AKAP9: variants seen among roughly 807,000 people sequenced by gnomAD.
AKAP9 encodes the protein A-kinase anchoring protein 9, also known as A-kinase anchor protein 9.
In AKAP9, 311 loss-of-function variants were observed where a neutral mutation model predicts 488.5. The ratio of observed to expected loss-of-function variants is 0.64; its 90% CI spans 0.58 to 0.70. AKAP9 has a LOEUF of 0.70. AKAP9 is among the 30% of genes least tolerant of loss of function. The pLI, the probability that AKAP9 is intolerant of heterozygous loss-of-function variation, is 0.00. For synonymous variants in AKAP9, 1,462 were observed against 1,483.5 expected, an observed-to-expected ratio of 0.99 and a Z score of 0.33; for missense variants, 4,215 against 4,374.5, an observed-to-expected ratio of 0.96 and a Z score of 1.03.
Position 92,001,767 on chromosome 7 carries a change from C to A in AKAP9, c.1850C>A (p.Ser617Ter), listed in dbSNP as rs1284519583. ...KNAVLDRMAESQEAELERLRT... is the reference protein window; with the variant it reads ...KNAVLDRMAE ...GCTGTGTTAGACAGAATGGCTGAAT[C>A]ACAAGAAGCTGAATTAGAGAGGCTG... is the stretch of plus-strand genomic sequence containing the variant. The change falls in exon 8 of 50, where the codon TCA becomes TAA. Residue 617 changes from serine (S) to a stop codon, truncating the protein, a stop_gained. Coordinates refer to ENST00000356239, the MANE Select transcript of AKAP9 (RefSeq NM_005751.5). LOFTEE classifies it high-confidence loss of function. 1 of 1,613,250 alleles carries A rather than the reference C, an allele frequency of 6.2e-7. No homozygotes were observed. Among genetic ancestry groups the A allele is most frequent in the Non-Finnish European group, 8.5e-7 (1 of 1,179,762 alleles).
At chr7:91,987,420 GA>G (rs957106922) in intron 3 of AKAP9, among the ~76,000 whole-genome samples, 48 of 139,428 alleles carry the variant, frequency 3.4e-4, no homozygotes, top group Middle Eastern at 3.8e-3. Context: ...ATTCTATCTC[GA>G]AAAAAAAAAA....
chr7:92,066,397 GCTA>G, intron 25 of AKAP9, 27 bp from the exon 26 acceptor site: 1 of 1,611,046 alleles, frequency 6.2e-7, no homozygotes, highest in Non-Finnish European at 8.5e-7. Context: ...TGTTTCTTCA[GCTA>G]CTATCATTAT....
chr7:92,031,390 C>A, intron 15 of AKAP9, 122 bp from the exon 16 acceptor site: 1 of 656,706 alleles, frequency 1.5e-6, no homozygotes, highest in Non-Finnish European at 2.6e-6. Context: ...TTATTTTTTG[C>A]TGAAAGTATG....
intron 22 of AKAP9, among the ~76,000 whole-genome samples, chr7:92,056,556 A>T (rs1213237153): frequency 6.6e-6 from 1 of 151,056 alleles, no homozygotes; most frequent in East Asian, 2.0e-4. Flanking sequence ...TTGTTAAGAC[A>T]CCTTCACAGA....
At chr7:92,021,037 G>A (rs771482375) in intron 12 of AKAP9, among the ~76,000 whole-genome samples, 10 of 151,880 alleles carry the variant, frequency 6.6e-5, no homozygotes, top group Non-Finnish European at 7.4e-5. Context: ...TTCCCCCTCC[G>A]TATCCAAATT....
Position 91,964,670 on chromosome 7 carries a change from T to A in AKAP9, c.49-9041T>A, listed in dbSNP as rs372635540. On this transcript the variant is annotated intron_variant, in intron 1 of 49. Transcript: ENST00000356239. The stretch of plus-strand genomic sequence containing the variant: ...AGTTATTATGTTTGCCAGTTTTCTT[T>A]TAGTTCATCTGCTTGTGATAGCCAA... 2.6e-5 allele frequency among the ~76,000 whole-genome samples: 4 copies of A among 152,316 alleles called. 1 individual carries two copies.
At position 92,105,761 on chromosome 7, in the gene AKAP9, A is replaced by C; in HGVS notation, c.11414A>C (p.Gln3805Pro). 1 of 1,612,780 alleles carries C rather than the reference A, an allele frequency of 6.2e-7. No individual in the cohort carries two copies. Among genetic ancestry groups the C allele is most frequent in the Non-Finnish European group, 8.5e-7 (1 of 1,178,732 alleles). Residue 3805 changes from glutamine (Q) to proline (P), a missense_variant and splice_region_variant, in exon 47 of 50, where the codon CAA (glutamine) becomes CCA (proline). Transcript: ENST00000356239. ...AACAGAGATGGCTTTGGACTGAATC[A>C]AGGTGAAGTCAAAATAGCATATTTT... is the stretch of plus-strand genomic sequence containing the variant. ...NINRDGFGLN[Q>P]GAEKTDSFYH...
chr7:91,975,921 G>GTTTTTTTTTTTTTTTTTTT (rs1186917564), intron 2 of AKAP9, among the ~76,000 whole-genome samples: 1 of 111,696 alleles, frequency 9.0e-6, no homozygotes, highest in African/African-American at 3.5e-5. Context: ...TTGTTTGTTT[G>GTTTTTTTTTTTTTTTTTTT]TTTGTTTTTT....
At chr7:91,972,540 T>C (rs1293726727) in intron 1 of AKAP9, among the ~76,000 whole-genome samples, 1 of 151,994 alleles carries the variant, frequency 6.6e-6, no homozygotes, top group Non-Finnish European at 1.5e-5. Flanking sequence ...CTGCTCAGAG[T>C]TTTTTCACTT....
chr7:92,014,405 G>A, intron 10 of AKAP9, 77 bp downstream of exon 10: 1 of 1,074,446 alleles, frequency 9.3e-7, no homozygotes, highest in Non-Finnish European at 1.4e-6. Context: ...GGAGGCTGAG[G>A]TGGTCAGATC....
Position 92,045,195 on chromosome 7 carries a change from C to G in AKAP9, c.5350C>G (p.His1784Asp). Residue 1784 changes from histidine to aspartate, a missense_variant, in exon 21 of 50, where the codon CAT becomes GAT. His to Asp is a moderately conservative substitution (Grantham distance 81). Coordinates refer to ENST00000356239, the MANE Select transcript of AKAP9 (RefSeq NM_005751.5). ...EAEASVKSCV[H>D]EEHTRVTDES... ...AGAGGCATCTGTAAAGTCATGTGTCCATGAGGAACATACAAGAGGTACTAG... is the reference window on the plus strand; with the variant it reads ...AGAGGCATCTGTAAAGTCATGTGTCGATGAGGAACATACAAGAGGTACTAG... 6.2e-7 allele frequency: 1 copy of G among 1,613,656 alleles called. No homozygotes were observed. Among genetic ancestry groups the G allele is most frequent in the East Asian group, 2.2e-5 (1 of 44,854 alleles).
intron 1 of AKAP9, among the ~76,000 whole-genome samples, chr7:91,953,150 G>A (rs1792477733): frequency 6.6e-6 from 1 of 152,186 alleles, no homozygotes; most frequent in African/African-American, 2.4e-5. Context: ...GGATACATCA[G>A]TAAATATTTA....
intron 3 of AKAP9, among the ~76,000 whole-genome samples, chr7:91,991,621 G>A (rs1336819474): frequency 4.6e-5 from 7 of 151,834 alleles, no homozygotes; most frequent in South Asian, 4.1e-4. Flanking sequence ...ACAGGCACCC[G>A]CCACCACACC....
chr7:92,084,892 A>C lies in AKAP9; in HGVS notation c.8784A>C (p.Arg2928=). 1 of 1,613,540 alleles carries C rather than the reference A, an allele frequency of 6.2e-7. No homozygotes were observed. Residue 2928 remains arginine, a synonymous_variant, in exon 35 of 50, where the codon CGA becomes CGC. Coordinates refer to ENST00000356239, the MANE Select transcript of AKAP9 (RefSeq NM_005751.5). ...SQGFDIASEG[R]GEESESATDS... ...GATTTGACATAGCATCAGAAGGCCG[A>C]GGAGAAGAAAGTGAAAGTGCAACAG...
In AKAP9 at chr7:92,042,077, C is replaced by CAGAG; in HGVS notation, c.4958_4961dup (p.Val1655GlufsTer24). On this transcript the variant is annotated frameshift_variant, in exon 19 of 50. Transcript: ENST00000356239. LOFTEE classifies it high-confidence loss of function. ...TCCATAGATAATGAAAACCTGGTTT[C>CAGAG]AGAGAGAGAGAGGGTGCTTTTAGAG... 1 of 1,611,844 alleles carries CAGAG rather than the reference C, an allele frequency of 6.2e-7. No homozygotes were observed. Among genetic ancestry groups the CAGAG allele is most frequent in the Non-Finnish European group, 8.5e-7 (1 of 1,178,606 alleles).
chr7:91,992,886 A>G lies in AKAP9; in HGVS notation c.407A>G (p.Glu136Gly), dbSNP rs1562946931. 2 of 1,613,682 alleles carry G rather than the reference A, an allele frequency of 1.2e-6. No individual in the cohort carries two copies. Among genetic ancestry groups the G allele is most frequent in the Non-Finnish European group, 1.7e-6 (2 of 1,179,682 alleles). ...RTGKPTNLLREEEFGVDDSYS... is the reference protein window; with the variant it reads ...RTGKPTNLLRGEEFGVDDSYS... ...CTTTAAAATCTTGGATTGATTTAGG[A>G]AGAAGAATTTGGTGTTGATGATTCT... The change falls in exon 5 of 50, where the codon GAA (glutamate) becomes GGA (glycine). Residue 136 changes from glutamate (E) to glycine (G), a missense_variant and splice_region_variant. By Grantham distance (98) the Glu-to-Gly change is moderately conservative. Around this residue, in one of 5 missense-constraint regions of AKAP9, gnomAD observed 2,361 missense variants for 2,430.0 expected, o/e 0.97. Transcript: ENST00000356239.
At position 92,002,878 on chromosome 7, in the gene AKAP9, A is replaced by G; in HGVS notation, c.2961A>G (p.Lys987=). The G allele has an allele frequency of 2.5e-6, 4 of 1,612,758 alleles. No homozygotes were observed. The African/African-American group carries it at 4.0e-5, about 16-fold the overall frequency. ...NEEVKSLKQE[K]EQVSLRCREL... Reference sequence around the variant, plus strand: ...AAGTTAAATCTTTAAAGCAAGAGAAAGAACAAGTTTCATTGAGATGTAGAG... The same window carrying G: ...AAGTTAAATCTTTAAAGCAAGAGAAGGAACAAGTTTCATTGAGATGTAGAG... The change falls in exon 8 of 50, where the codon AAA becomes AAG. Residue 987 remains lysine, a synonymous_variant. Coordinates refer to ENST00000356239, the MANE Select transcript of AKAP9 (RefSeq NM_005751.5).
chr7:92,054,406 A>C (rs188062092), intron 22 of AKAP9, among the ~76,000 whole-genome samples: 111 of 152,108 alleles, frequency 7.3e-4, no homozygotes, highest in African/African-American at 2.4e-3. Context: ...GCATGCTGTA[A>C]TATCTTTGCG....
At chr7:91,948,999 C>T (rs1368042131) in intron 1 of AKAP9, among the ~76,000 whole-genome samples, 1 of 152,186 alleles carries the variant, frequency 6.6e-6, no homozygotes, top group East Asian at 1.9e-4. Flanking sequence ...GATCTGCCCA[C>T]CTCGGCCTCC....
Sources: allele counts gnomAD v4.1 joint callset (sites outside exome capture counted in the v4.1 genomes callset), GRCh38; gene constraint gnomAD v4.1.1; regional missense constraint gnomAD v4.1.1; transcripts MANE v1.5; gene names NCBI Gene and HGNC (gene_info 2026-07-23, HGNC 2026-07-21).